Variants in PRKAG2 observed in about 807,000 individuals in gnomAD.
The protein encoded by PRKAG2 is protein kinase AMP-activated non-catalytic subunit gamma 2, also known as 5'-AMP-activated protein kinase subunit gamma-2.
A neutral mutation model predicts 69.6 loss-of-function variants in PRKAG2; 26 were observed. That is an observed-to-expected ratio of 0.37 (90% CI 0.27 to 0.52). The LOEUF is 0.52. Ranked by LOEUF, PRKAG2 falls within the 20% of genes least tolerant of loss-of-function variation. The probability of loss-of-function intolerance (pLI) is 0.90; values close to 1 mark genes in which losing one functional copy is unlikely to be tolerated. For missense variants in PRKAG2, 557 were observed against 740.0 expected, an observed-to-expected ratio of 0.75 and a Z score of 2.87; for synonymous variants, 293 against 285.0, an observed-to-expected ratio of 1.03 and a Z score of -0.28.
At chr7:151,720,059 C>T (rs1348778129) in intron 3 of PRKAG2, among the ~76,000 whole-genome samples, 1 of 152,216 alleles carries the variant, frequency 6.6e-6, no homozygotes, top group Non-Finnish European at 1.5e-5. Context: ...GCCACTAGCA[C>T]TGGCCCAGGG....
At chr7:151,557,784 C>A (rs1012556484) in intron 15 of PRKAG2, 2 of 575,680 alleles carry the variant, frequency 3.5e-6, no homozygotes, top group East Asian at 1.4e-4. Flanking sequence ...GCAGGAGAAT[C>A]GCTTGAATCC....
intron 4 of PRKAG2, among the ~76,000 whole-genome samples, chr7:151,670,463 C>T (rs1831836563): frequency 6.6e-6 from 1 of 152,204 alleles, no homozygotes; most frequent in Admixed American, 6.5e-5. Flanking sequence ...TTCTAACCAC[C>T]TCCAATCTAA....
chr7:151,713,092 G>A (rs756114073), intron 3 of PRKAG2, among the ~76,000 whole-genome samples: 31 of 152,196 alleles, frequency 2.0e-4, no homozygotes, highest in Non-Finnish European at 4.3e-4. Flanking sequence ...CATTTCTCCT[G>A]TATGGCACTG....
intron 5 of PRKAG2, among the ~76,000 whole-genome samples, chr7:151,620,517 G>A (rs1338885974): frequency 6.6e-6 from 1 of 151,016 alleles, no homozygotes; most frequent in African/African-American, 2.4e-5. Context: ...TCACTCTGTT[G>A]CCCAGGCTAG....
At chr7:151,864,068 G>A (rs1273526072) in intron 1 of PRKAG2, among the ~76,000 whole-genome samples, 2 of 152,178 alleles carry the variant, frequency 1.3e-5, no homozygotes, top group African/African-American at 4.8e-5. Flanking sequence ...AGAGAGGAGG[G>A]AGGTGATAGA....
chr7:151,610,048 C>T (rs940364175), intron 5 of PRKAG2, among the ~76,000 whole-genome samples: 3 of 152,202 alleles, frequency 2.0e-5, no homozygotes, highest in Non-Finnish European at 4.4e-5. Flanking sequence ...AATATGTCAA[C>T]ATACACAGGG....
At chr7:151,641,703 C>G (rs980862019) in intron 4 of PRKAG2, among the ~76,000 whole-genome samples, 1 of 149,720 alleles carries the variant, frequency 6.7e-6, no homozygotes, top group Non-Finnish European at 1.5e-5. Context: ...TGCCACCATA[C>G]CTGGCTAATG....
chr7:151,576,242 G>T, intron 7 of PRKAG2, 129 bp downstream of exon 7: 1 of 974,586 alleles, frequency 1.0e-6, no homozygotes, highest in Non-Finnish European at 1.6e-6. Flanking sequence ...CACCCTGCCA[G>T]CAAGAATGTT....
Position 151,756,053 on chromosome 7 carries a change from A to AT in PRKAG2, c.466+25098dup, listed in dbSNP as rs901938801. Among the ~76,000 whole-genome samples, 19 of 151,990 alleles carry AT rather than the reference A, an allele frequency of 1.3e-4. No homozygotes were observed. Among genetic ancestry groups the AT allele is most frequent in the African/African-American group, 3.6e-4 (15 of 41,424 alleles). On this transcript the variant is annotated intron_variant, in intron 3 of 15. Coordinates refer to ENST00000287878, the MANE Select transcript of PRKAG2 (RefSeq NM_016203.4). This position sits in a 1 kb window ranked among gnomAD's most constrained non-coding sequence, Gnocchi z 4.9. ...ACTGCCCTCTCCCGCCTCCTCTCCCATCCCCCATTGGTCTCCTCCTCTTCT... is the reference window on the plus strand; with the variant it reads ...ACTGCCCTCTCCCGCCTCCTCTCCCATTCCCCCATTGGTCTCCTCCTCTTCT...
In PRKAG2 at chr7:151,781,624, C is replaced by A. The variant is rs1028292860; in HGVS notation, c.187-193G>T. 2.0e-5 allele frequency among the ~76,000 whole-genome samples: 3 copies of A among 152,184 alleles called. No individual in the cohort carries two copies. The highest frequency in any genetic ancestry group is 4.4e-5 in the Non-Finnish European group (3 of 68,028). Reference sequence around the variant, plus strand: ...CAGGTAGCACCTGCCCCAAGGATGGCCCCTCACAGGCTGGCAGCACCACGT... The same window carrying A: ...CAGGTAGCACCTGCCCCAAGGATGGACCCTCACAGGCTGGCAGCACCACGT... On this transcript the variant is annotated intron_variant, in intron 2 of 15. Coordinates refer to ENST00000287878, the MANE Select transcript of PRKAG2 (RefSeq NM_016203.4). This position sits in a 1 kb window ranked among gnomAD's most constrained non-coding sequence, Gnocchi z 6.1.
At position 151,781,271 on chromosome 7, in the gene PRKAG2, C is replaced by T. The variant is rs369471907; in HGVS notation, c.347G>A (p.Arg116His). The change falls in exon 3 of 16, where the codon CGC (arginine) becomes CAC (histidine). Residue 116 changes from arginine to histidine, a missense_variant. Physicochemically the swap from Arg to His is conservative, Grantham distance 29. Transcript: ENST00000287878. The surrounding 1 kb of genome is among the most constrained non-coding windows in gnomAD (Gnocchi z 6.1). ...FPFSYQESPPRSPRRMSFSGI... is the reference protein window; with the variant it reads ...FPFSYQESPPHSPRRMSFSGI... ...ACTGAAGCTCATGCGTCGAGGGGAG[C>T]GTGGCGGGGACTCCTGGTAGGAGAA... 8 of 1,614,056 alleles carry T rather than the reference C, an allele frequency of 5.0e-6. No homozygotes were observed. In the East Asian group the frequency reaches 6.7e-5, roughly 13 times the overall value.
intron 1 of PRKAG2, among the ~76,000 whole-genome samples, chr7:151,848,593 T>C (rs2079494751): frequency 1.4e-5 from 2 of 138,224 alleles, no homozygotes; most frequent in South Asian, 2.4e-4. Flanking sequence ...GGCGCAATCT[T>C]GGCTCATTGC....
chr7:151,617,554 A>G (rs1205695053), intron 5 of PRKAG2, among the ~76,000 whole-genome samples: 2 of 152,226 alleles, frequency 1.3e-5, no homozygotes, highest in Non-Finnish European at 2.9e-5. Context: ...ATCTTATGCA[A>G]GGACATTCTT....
At chr7:151,876,446 G>A (rs1447899978) in intron 1 of PRKAG2, 61 bp downstream of exon 1, 2 of 1,516,502 alleles carry the variant, frequency 1.3e-6, no homozygotes, top group South Asian at 1.1e-5. Flanking sequence ...TAACCGCTTC[G>A]GCGCCGGGGA....
Position 151,853,789 on chromosome 7 carries a change from G to A in PRKAG2, c.114+22718C>T, listed in dbSNP as rs80281143. On this transcript the variant is annotated intron_variant, in intron 1 of 15. Transcript: ENST00000287878. ...AAAAAAAAAAAAAAAGTCAAATATT[G>A]GCTATTCCACGCAGTTTAACCTAAT... is the stretch of plus-strand genomic sequence containing the variant. Among the ~76,000 whole-genome samples, 624 of 148,806 alleles carry A rather than the reference G, an allele frequency of 4.2e-3. 6 individuals are homozygous for A. The highest frequency in any genetic ancestry group is 0.015 in the African/African-American group (595 of 40,380).
intron 3 of PRKAG2, among the ~76,000 whole-genome samples, chr7:151,726,400 A>ACACACACACACG (rs557849317): frequency 9.8e-6 from 1 of 102,508 alleles, no homozygotes; most frequent in Admixed American, 9.8e-5. Flanking sequence ...ACACACACAC[A>ACACACACACACG]CGCACACACA....
At position 151,771,789 on chromosome 7, in the gene PRKAG2, T is replaced by C. The variant is rs1036571962; in HGVS notation, c.466+9363A>G. On this transcript the variant is annotated intron_variant, in intron 3 of 15. Transcript: ENST00000287878. The surrounding 1 kb of genome is among the most constrained non-coding windows in gnomAD (Gnocchi z 4.0). Reference sequence around the variant, plus strand: ...AGCTGTATGGAAGTGGTCATCTTGATGTCATCAATGATAATTGCCTCTGTC... The same window carrying C: ...AGCTGTATGGAAGTGGTCATCTTGACGTCATCAATGATAATTGCCTCTGTC... 6.6e-6 allele frequency among the ~76,000 whole-genome samples: 1 copy of C among 152,224 alleles called. No homozygotes were observed. Among genetic ancestry groups the C allele is most frequent in the African/African-American group, 2.4e-5 (1 of 41,456 alleles).
intron 3 of PRKAG2, among the ~76,000 whole-genome samples, chr7:151,710,954 A>G (rs1471665693): frequency 6.6e-6 from 1 of 152,150 alleles, no homozygotes; most frequent in Non-Finnish European, 1.5e-5. Flanking sequence ...TGCTAGGCAT[A>G]TGGTACCAGC....
chr7:151,821,968 C>T (rs1215203450), intron 1 of PRKAG2, among the ~76,000 whole-genome samples: 2 of 152,164 alleles, frequency 1.3e-5, no homozygotes, highest in South Asian at 2.1e-4. Flanking sequence ...TTTACGGAGG[C>T]GAACAGGGCC....
Sources: gnomAD v4.1 joint callset for allele counts (sites outside exome capture counted in the v4.1 genomes callset) on GRCh38, gnomAD v4.1.1 for gene constraint, Gnocchi (gnomAD v3.1) non-coding constraint, MANE v1.5 for transcripts, NCBI Gene and HGNC (gene_info 2026-07-23, HGNC 2026-07-21) for gene names.